The following ALG5 variants were observed in gnomAD, a reference collection of about 807,000 sequenced individuals.
ALG5 encodes the protein dolichyl-phosphate beta-glucosyltransferase.
In ALG5, 26 loss-of-function variants were observed where a neutral mutation model predicts 51.8. That is an observed-to-expected ratio of 0.50 (90% CI 0.37 to 0.70). The LOEUF (loss-of-function observed/expected upper bound fraction) is 0.70, where lower values mean the gene tolerates loss of function less well. ALG5 is among the 30% of genes least tolerant of loss of function. The pLI is 0.00. For synonymous variants in ALG5, 141 were observed against 136.1 expected, an observed-to-expected ratio of 1.04 and a Z score of -0.25; for missense variants, 311 against 399.3, an observed-to-expected ratio of 0.78 and a Z score of 1.88.
At chr13:36,959,874 A>G (rs1273219776) in intron 8 of ALG5, among the ~76,000 whole-genome samples, 1 of 151,942 alleles carries the variant, frequency 6.6e-6, no homozygotes, top group Non-Finnish European at 1.5e-5. Context: ...ATGGAGATAG[A>G]GGATGGAGCA....
intron 6 of ALG5, among the ~76,000 whole-genome samples, chr13:36,979,991 G>T (rs1236535202): frequency 2.0e-5 from 3 of 152,156 alleles, no homozygotes; most frequent in Non-Finnish European, 4.4e-5. Flanking sequence ...AGGTTGCAGT[G>T]AGCCAAGATC....
At chr13:36,995,933 C>G (rs942864284) in intron 1 of ALG5, among the ~76,000 whole-genome samples, 2 of 152,240 alleles carry the variant, frequency 1.3e-5, no homozygotes, top group East Asian at 1.9e-4. Flanking sequence ...GCCCTAAAAC[C>G]CTGATCCTTA....
chr13:36,974,951 G>A (rs961825309), intron 6 of ALG5, among the ~76,000 whole-genome samples: 6 of 152,116 alleles, frequency 3.9e-5, no homozygotes, highest in East Asian at 1.9e-4. Flanking sequence ...AGTGGCTCAC[G>A]CCTGTAATCC....
chr13:36,975,365 T>C (rs1055449642), intron 6 of ALG5, among the ~76,000 whole-genome samples: 17 of 152,212 alleles, frequency 1.1e-4, no homozygotes, highest in African/African-American at 3.9e-4. Flanking sequence ...ATGTTGCTGA[T>C]TGCACCCCCA....
At chr13:36,964,278 A>G (rs1042492954) in intron 8 of ALG5, among the ~76,000 whole-genome samples, 2 of 152,212 alleles carry the variant, frequency 1.3e-5, no homozygotes, top group African/African-American at 2.4e-5. Flanking sequence ...TGGGAAGCCC[A>G]TGAAGGAATA....
At chr13:36,982,730 T>C (rs2058985413) in intron 6 of ALG5, among the ~76,000 whole-genome samples, 1 of 152,224 alleles carries the variant, frequency 6.6e-6, no homozygotes, top group Non-Finnish European at 1.5e-5. Context: ...TATTTTTCAC[T>C]GGGTGGATCC....
In ALG5 at chr13:36,961,899, G is replaced by A. The variant is rs551996254; in HGVS notation, c.773+3676C>T. Reference sequence around the variant, plus strand: ...TGGGTTCAAGCAATTCTCCTGCCTCGGCCTCCCAAGTAGCTGGGATTACAG... The same window carrying A: ...TGGGTTCAAGCAATTCTCCTGCCTCAGCCTCCCAAGTAGCTGGGATTACAG... On this transcript the variant is annotated intron_variant, in intron 8 of 9. Transcript: ENST00000239891. Among the ~76,000 whole-genome samples, 10 of 151,834 alleles carry A rather than the reference G, an allele frequency of 6.6e-5. No homozygotes were observed. The East Asian group carries it at 9.7e-4, about 15-fold the overall frequency.
chr13:36,994,001 T>C (rs1027087578), intron 3 of ALG5, among the ~76,000 whole-genome samples: 2 of 152,140 alleles, frequency 1.3e-5, no homozygotes, highest in African/African-American at 2.4e-5. Flanking sequence ...AGAAAAAAGC[T>C]CCTGAGGTTT....
chr13:36,991,086 T>C (rs1208818420), intron 4 of ALG5, among the ~76,000 whole-genome samples: 1 of 152,216 alleles, frequency 6.6e-6, no homozygotes, highest in Non-Finnish European at 1.5e-5. Flanking sequence ...GATTCAGCCT[T>C]CACCTTTTTA....
At chr13:36,977,619 C>T (rs1236534853) in intron 6 of ALG5, among the ~76,000 whole-genome samples, 1 of 151,616 alleles carries the variant, frequency 6.6e-6, no homozygotes, top group African/African-American at 2.4e-5. Context: ...TGGTGAAACC[C>T]CGTCTCTACT....
chr13:36,965,871 C>A, intron 7 of ALG5, 145 bp from the exon 8 acceptor site: 1 of 661,862 alleles, frequency 1.5e-6, no homozygotes, highest in Non-Finnish European at 2.4e-6. Flanking sequence ...TGAGCTTCAC[C>A]AACAAAGTAT....
intron 6 of ALG5, among the ~76,000 whole-genome samples, chr13:36,979,499 A>G (rs1446754070): frequency 6.6e-6 from 1 of 152,212 alleles, no homozygotes; most frequent in Non-Finnish European, 1.5e-5. Flanking sequence ...TAAGGAACCA[A>G]ACCATGCACG....
intron 1 of ALG5, among the ~76,000 whole-genome samples, chr13:36,995,932 C>T (rs1026725966): frequency 3.9e-5 from 6 of 152,148 alleles, no homozygotes; most frequent in Admixed American, 3.9e-4. Context: ...TGCCCTAAAA[C>T]CCTGATCCTT....
intron 6 of ALG5, among the ~76,000 whole-genome samples, chr13:36,979,623 C>T (rs183701514): frequency 4.4e-4 from 67 of 152,236 alleles, no homozygotes; most frequent in Non-Finnish European, 7.6e-4. Context: ...CTGAGTTGTG[C>T]GTGTAGTTAA....
intron 8 of ALG5, among the ~76,000 whole-genome samples, chr13:36,954,810 T>G (rs2058832883): frequency 6.6e-6 from 1 of 152,170 alleles, no homozygotes; most frequent in Non-Finnish European, 1.5e-5. Context: ...AAAAATATGC[T>G]GAGACCCTGT....
intron 5 of ALG5, among the ~76,000 whole-genome samples, chr13:36,988,828 T>C (rs2059013261): frequency 6.6e-6 from 1 of 151,974 alleles, no homozygotes; most frequent in African/African-American, 2.4e-5. Context: ...GACTGTGGAG[T>C]TGAACAAGCC....
chr13:36,976,475 C>T (rs577097426), intron 6 of ALG5, among the ~76,000 whole-genome samples: 6 of 147,476 alleles, frequency 4.1e-5, no homozygotes, highest in East Asian at 4.0e-4. Context: ...TAGCTGGGCA[C>T]GGTGGTTCAT....
chr13:36,985,110 C>T (rs1472151640), intron 6 of ALG5, among the ~76,000 whole-genome samples: 4 of 151,072 alleles, frequency 2.6e-5, no homozygotes, highest in African/African-American at 9.7e-5. Flanking sequence ...TGAGCGTTTG[C>T]CAAATTCATC....
rs879349473 is a variant in ALG5 at position 36,956,133 on chromosome 13, C to T, written c.774-3534G>A. ...ATAAGGGGCTAACATCACAAATATACAAGGAACTCAACTCCATAGAAAGAA... is the reference window on the plus strand; with the variant it reads ...ATAAGGGGCTAACATCACAAATATATAAGGAACTCAACTCCATAGAAAGAA... On this transcript the variant is annotated intron_variant, in intron 8 of 9. Transcript: ENST00000239891. Among the ~76,000 whole-genome samples the T allele has an allele frequency of 5.3e-5, 8 of 152,052 alleles. 1 individual carries two copies. The highest frequency in any genetic ancestry group is 5.2e-4 in the Admixed American group (8 of 15,254).
Sources: allele counts gnomAD v4.1 joint callset (sites outside exome capture counted in the v4.1 genomes callset), GRCh38; gene constraint gnomAD v4.1.1; transcripts MANE v1.5; gene names NCBI Gene and HGNC (gene_info 2026-07-23, HGNC 2026-07-21).